MDGA2: variants seen among roughly 807,000 people sequenced by gnomAD.
The protein encoded by MDGA2 is MAM domain containing glycosylphosphatidylinositol anchor 2, also known as MAM domain-containing glycosylphosphatidylinositol anchor protein 2.
MDGA2 carries 40 observed loss-of-function variants against 117.8 expected under a neutral mutation model. The observed-to-expected ratio is 0.34, with a 90% confidence interval of 0.26 to 0.44. The LOEUF (loss-of-function observed/expected upper bound fraction) is 0.44. Ranked by LOEUF, MDGA2 falls within the 20% of genes least tolerant of loss-of-function variation. The pLI is 1.00. For missense variants in MDGA2, 1,123 were observed against 1,250.6 expected (o/e 0.90, Z 1.54); for synonymous variants, 452 against 439.0 (o/e 1.03, Z -0.37).
chr14:47,468,537 T>C (rs1459395625), intron 1 of MDGA2, among the ~76,000 whole-genome samples: 2 of 152,050 alleles, frequency 1.3e-5, no homozygotes, highest in African/African-American at 4.8e-5. Flanking sequence ...GGACTAAGAG[T>C]TGAGACCAAA....
intron 1 of MDGA2, among the ~76,000 whole-genome samples, chr14:47,394,486 G>T (rs1213606618): frequency 6.6e-6 from 1 of 152,128 alleles, no homozygotes; most frequent in African/African-American, 2.4e-5. Flanking sequence ...TCATATAGGC[G>T]TGGCTATTTG....
At chr14:47,581,960 G>T (rs1896237008) in intron 1 of MDGA2, among the ~76,000 whole-genome samples, 1 of 151,854 alleles carries the variant, frequency 6.6e-6, no homozygotes, top group African/African-American at 2.4e-5. Flanking sequence ...TGCAAGTTCT[G>T]AAATAAAATG....
intron 2 of MDGA2, among the ~76,000 whole-genome samples, chr14:47,298,245 C>A (rs1480894211): frequency 3.9e-5 from 6 of 152,100 alleles, no homozygotes; most frequent in Admixed American, 3.9e-4. Flanking sequence ...TGCTCTTAAC[C>A]ATTGCATCGT....
intron 1 of MDGA2, among the ~76,000 whole-genome samples, chr14:47,591,565 G>A (rs147319288): frequency 0.014 from 2,161 of 152,156 alleles, 161 homozygotes; most frequent in Admixed American, 0.13. Context: ...CTGGCAAACC[G>A]AATCCAGCAG....
At chr14:47,360,354 A>AAATTAAATAAAT (rs1555376180) in intron 1 of MDGA2, among the ~76,000 whole-genome samples, 2 of 139,972 alleles carry the variant, frequency 1.4e-5, no homozygotes, top group Non-Finnish European at 3.1e-5. Context: ...TCCATCTCAA[A>AAATTAAATAAAT]AAATAAATAA....
intron 1 of MDGA2, among the ~76,000 whole-genome samples, chr14:47,418,899 T>C (rs1420073173): frequency 1.3e-5 from 2 of 152,174 alleles, no homozygotes; most frequent in Non-Finnish European, 2.9e-5. Context: ...TTGATACTAC[T>C]ATAAGTACTC....
In MDGA2 at chr14:47,035,110, C is replaced by A. The variant is rs1205541649; in HGVS notation, c.1720G>T (p.Val574Leu). 6.2e-7 allele frequency: 1 copy of A among 1,614,102 alleles called. No homozygotes were observed. Among genetic ancestry groups the A allele is most frequent in the Admixed American group, 1.7e-5 (1 of 60,022 alleles). ...SYDGTLRIVN[V>L]SREMSGMYRC... ...TACATTCCTGACATTTCCCTAGATA[C>A]ATTCACAATCCTCAGTGTTCCATCA... Residue 574 changes from valine (V) to leucine (L), a missense_variant, in exon 8 of 17, where the codon GTA becomes TTA. Physicochemically the swap from Val to Leu is conservative, Grantham distance 32 (BLOSUM62 1). Transcript: ENST00000399232.
intron 2 of MDGA2, among the ~76,000 whole-genome samples, chr14:47,265,656 A>C (rs72680265): frequency 4.6e-5 from 7 of 151,868 alleles, no homozygotes; most frequent in Non-Finnish European, 1.0e-4. Context: ...AAAAAAACTC[A>C]TTAGCTTATC....
chr14:47,167,047 C>T (rs1014781632), intron 3 of MDGA2, among the ~76,000 whole-genome samples: 9 of 152,124 alleles, frequency 5.9e-5, no homozygotes. Context: ...ACAATACTCT[C>T]AAATGTAGAC....
intron 1 of MDGA2, among the ~76,000 whole-genome samples, chr14:47,511,517 A>G (rs572089133): frequency 6.7e-6 from 1 of 149,372 alleles, no homozygotes; most frequent in African/African-American, 2.4e-5. Context: ...GAAAGTATCT[A>G]TTAAATAACT....
At chr14:47,672,408 T>C (rs1440000076) in intron 1 of MDGA2, among the ~76,000 whole-genome samples, 1 of 152,228 alleles carries the variant, frequency 6.6e-6, no homozygotes, top group Non-Finnish European at 1.5e-5. Flanking sequence ...ATTATTTTAA[T>C]GCAATTGTTT....
chr14:46,898,123 A>G (rs1362924657), intron 10 of MDGA2, among the ~76,000 whole-genome samples: 1 of 152,114 alleles, frequency 6.6e-6, no homozygotes, highest in East Asian at 1.9e-4. Context: ...GACTATTTCC[A>G]AAACATATGA....
chr14:47,441,912 T>C (rs1893020290), intron 1 of MDGA2, among the ~76,000 whole-genome samples: 1 of 152,154 alleles, frequency 6.6e-6, no homozygotes, highest in Admixed American at 6.5e-5. Context: ...AATGCACACA[T>C]TCTGTGCAAC....
chr14:47,246,802 A>AACACAC (rs34773547), intron 2 of MDGA2, among the ~76,000 whole-genome samples: 9,263 of 141,762 alleles, frequency 0.065, 673 homozygotes, highest in East Asian at 0.24. Flanking sequence ...CAGGTAATGA[A>AACACAC]ACACACACAC....
chr14:47,584,596 A>G (rs1165645183), intron 1 of MDGA2, among the ~76,000 whole-genome samples: 2 of 151,774 alleles, frequency 1.3e-5, no homozygotes, highest in Non-Finnish European at 2.9e-5. Flanking sequence ...AGAAATTTAG[A>G]GCCTCCTGCC....
chr14:47,612,650 C>G (rs1896873703), intron 1 of MDGA2, among the ~76,000 whole-genome samples: 1 of 151,944 alleles, frequency 6.6e-6, no homozygotes, highest in Non-Finnish European at 1.5e-5. Context: ...GCTTCTATAC[C>G]TTCTCCAAGC....
chr14:47,231,629 G>C (rs1320140175), intron 2 of MDGA2, among the ~76,000 whole-genome samples: 1 of 151,148 alleles, frequency 6.6e-6, no homozygotes, highest in South Asian at 2.1e-4. Flanking sequence ...TTTCCTAATT[G>C]AAATAGCAAT....
In MDGA2 at chr14:47,301,627, T is replaced by C. The variant is rs182871288; in HGVS notation, c.281-77A>G. ...ATCTTCTCATGAACCATCTTGACTA[T>C]AAAAGCAATTCTTATTAGACTTCAC... On this transcript the variant is annotated intron_variant, in intron 1 of 16. Transcript: ENST00000399232. 1,366 of 1,461,132 alleles carry C rather than the reference T, an allele frequency of 9.3e-4. 11 individuals carry two copies. Among genetic ancestry groups the C allele is most frequent in the Middle Eastern group, 6.4e-3 (36 of 5,642 alleles). The allele number at this position is 1,461,132 out of a possible 1,614,324, so 90.5% of individuals were successfully genotyped here.
intron 9 of MDGA2, among the ~76,000 whole-genome samples, chr14:46,938,036 T>C (rs1884845179): frequency 6.6e-6 from 1 of 152,116 alleles, no homozygotes; most frequent in Non-Finnish European, 1.5e-5. Flanking sequence ...CAGAAAATAT[T>C]TGCAAACTAT....
Sources: gnomAD v4.1 joint callset for allele counts (sites outside exome capture counted in the v4.1 genomes callset) on GRCh38, gnomAD v4.1.1 for gene constraint, MANE v1.5 for transcripts, NCBI Gene and HGNC (gene_info 2026-07-23, HGNC 2026-07-21) for gene names.